DUXA: variants seen among roughly 807,000 people sequenced by gnomAD.
DUXA encodes double homeobox A, also known as double homeobox protein A.
DUXA carries 25 observed loss-of-function variants against 27.5 expected under a neutral mutation model. The observed-to-expected ratio is 0.91, with a 90% confidence interval of 0.66 to 1.27. DUXA has a LOEUF of 1.27. DUXA is among the 50% of genes most tolerant of loss of function. DUXA has a pLI of 0.00. For synonymous variants in DUXA, 90 were observed against 80.5 expected (o/e 1.12, Z -0.63); for missense variants, 247 against 242.9 (o/e 1.02, Z -0.11).
At position 57,160,774 on chromosome 19, in the gene DUXA, G is replaced by A. The variant is rs369191089; in HGVS notation, c.49C>T (p.Arg17Cys). ...TCTTCTGTGAATTTTGTGCGACAGC[G>A]CCTATGATTTGTTTTTACCATCTCT... is the stretch of plus-strand genomic sequence containing the variant. ...SHKMVKTNHR[R>C]CRTKFTEEQL... The change falls in exon 2 of 6, where the codon CGC becomes TGC. Residue 17 changes from arginine to cysteine, a missense_variant. Arg to Cys is a radical substitution (Grantham distance 180). Transcript: ENST00000554048. The A allele has an allele frequency of 4.4e-5, 71 of 1,613,916 alleles. No individual in the cohort carries two copies. The highest frequency in any genetic ancestry group is 2.5e-4 in the East Asian group (11 of 44,894).
intron 1 of DUXA, among the ~76,000 whole-genome samples, chr19:57,161,439 T>C (rs201896990): frequency 0.14 from 20,020 of 142,078 alleles, 1,781 homozygotes; most frequent in African/African-American, 0.22. Context: ...CTGGCTAACA[T>C]GATGAAACCC....
At position 57,158,879 on chromosome 19, in the gene DUXA, G is replaced by A. The variant is rs111255834; in HGVS notation, c.292+288C>T. Among the ~76,000 whole-genome samples the A allele has an allele frequency of 9.0e-3, 1,369 of 152,244 alleles. 13 individuals carry two copies. The highest frequency in any genetic ancestry group is 0.015 in the Non-Finnish European group (1,004 of 68,022). On this transcript the variant is annotated intron_variant, in intron 3 of 5. Transcript: ENST00000554048. ...GCACCTGTAAATCCCAGCTACTTGG[G>A]AGGCTGAGGCGGAAGAATTGCTTGA...
At position 57,154,468 on chromosome 19, in the gene DUXA, G is replaced by A; in HGVS notation, c.559C>T (p.Gln187Ter). The A allele has an allele frequency of 6.2e-7, 1 of 1,613,354 alleles. No individual in the cohort carries two copies. Among genetic ancestry groups the A allele is most frequent in the Non-Finnish European group, 8.5e-7 (1 of 1,179,504 alleles). The change falls in exon 6 of 6, where the codon CAA becomes TAA. Residue 187 changes from glutamine (Q) to a stop codon, truncating the protein, a stop_gained. Coordinates refer to ENST00000554048, the MANE Select transcript of DUXA (RefSeq NM_001012729.2). LOFTEE classifies it low-confidence loss of function (END_TRUNC). ...PEGLQGAEDT[Q>*]NGTNFTSDSH... ...TCACTAGTGAAGTTGGTGCCATTTT[G>A]TGTATCTTCTGCACCTAAGGAGGAA...
rs371673960 is a variant in DUXA at position 57,160,784 on chromosome 19, T to C, written c.39A>G (p.Thr13=). 7 of 1,614,114 alleles carry C rather than the reference T, an allele frequency of 4.3e-6. No individual in the cohort carries two copies. In the Admixed American group the frequency reaches 6.7e-5, roughly 15 times the overall value. Residue 13 remains threonine (T), a synonymous_variant, in exon 2 of 6, where the codon ACA becomes ACG. Coordinates refer to ENST00000554048, the MANE Select transcript of DUXA (RefSeq NM_001012729.2). ...ATTTTGTGCGACAGCGCCTATGATT[T>C]GTTTTTACCATCTCTGTAGGAAGAT... ...EDTYSHKMVK[T]NHRRCRTKFT... is the part of the protein sequence containing the mutation.
intron 5 of DUXA, 41 bp downstream of exon 5, chr19:57,155,226 G>T: frequency 6.4e-7 from 1 of 1,573,188 alleles, no homozygotes; most frequent in Non-Finnish European, 8.7e-7. Flanking sequence ...ACATCCAAGG[G>T]CTCCGCTTGT....
chr19:57,167,203 C>A (rs955580663), intron 1 of DUXA, among the ~76,000 whole-genome samples: 1 of 152,068 alleles, frequency 6.6e-6, no homozygotes, highest in Non-Finnish European at 1.5e-5. Context: ...TTATTTAGTT[C>A]TTGAATATCT....
At position 57,160,767 on chromosome 19, in the gene DUXA, C is replaced by G; in HGVS notation, c.56G>C (p.Arg19Pro). The stretch of plus-strand genomic sequence containing the variant: ...CAACTGTTCTTCTGTGAATTTTGTG[C>G]GACAGCGCCTATGATTTGTTTTTAC... ...KMVKTNHRRC[R>P]TKFTEEQLKI... is the part of the protein sequence containing the mutation. Residue 19 changes from arginine to proline, a missense_variant, in exon 2 of 6, where the codon CGC becomes CCC. Arg to Pro is a moderately radical substitution (Grantham distance 103). Coordinates refer to ENST00000554048, the MANE Select transcript of DUXA (RefSeq NM_001012729.2). The G allele has an allele frequency of 6.2e-7, 1 of 1,614,042 alleles. No homozygotes were observed. Among genetic ancestry groups the G allele is most frequent in the Non-Finnish European group, 8.5e-7 (1 of 1,180,004 alleles).
In DUXA at chr19:57,167,437, C is replaced by T. The variant is rs769801044; in HGVS notation, c.7G>A (p.Glu3Lys). 15 of 1,613,470 alleles carry T rather than the reference C, an allele frequency of 9.3e-6. No homozygotes were observed. In the African/African-American group the frequency reaches 9.3e-5, roughly 10 times the overall value. The change falls in exon 1 of 6, where the codon GAA (glutamate) becomes AAA (lysine). Residue 3 changes from glutamate (E) to lysine (K), a missense_variant. Physicochemically the swap from Glu to Lys is moderately conservative, Grantham distance 56 (BLOSUM62 1). Coordinates refer to ENST00000554048, the MANE Select transcript of DUXA (RefSeq NM_001012729.2). Reference sequence around the variant, plus strand: ...AACTTACTGTGTGAATAGGTGTCTTCGGCCATGCTGGAAGAGAGTCCTGAA... The same window carrying T: ...AACTTACTGTGTGAATAGGTGTCTTTGGCCATGCTGGAAGAGAGTCCTGAA... Reference protein sequence around the residue: MAEDTYSHKMVKT... With the variant: MAKDTYSHKMVKT...
intron 4 of DUXA, among the ~76,000 whole-genome samples, chr19:57,157,082 C>A (rs2086996381): frequency 6.6e-6 from 1 of 152,058 alleles, no homozygotes; most frequent in Non-Finnish European, 1.5e-5. Flanking sequence ...AGTAGATGCT[C>A]CGAATAATGC....
intron 1 of DUXA, among the ~76,000 whole-genome samples, chr19:57,165,110 C>T (rs1316908387): frequency 6.6e-6 from 1 of 151,898 alleles, no homozygotes; most frequent in Non-Finnish European, 1.5e-5. Context: ...ACTTTGAAAA[C>T]AAGTGCCCTA....
Position 57,160,750 on chromosome 19 carries a change from CT to C in DUXA, c.72del (p.Glu25AsnfsTer3). 1 of 1,613,946 alleles carries C rather than the reference CT, an allele frequency of 6.2e-7. No homozygotes were observed. Among genetic ancestry groups the C allele is most frequent in the Non-Finnish European group, 8.5e-7 (1 of 1,179,846 alleles). On this transcript the variant is annotated frameshift_variant, in exon 2 of 6. Transcript: ENST00000554048. LOFTEE classifies it high-confidence loss of function. The part of the protein sequence containing the change: ...NHRRCRTKFT[E>X]EQLKILINTF... ...GTATTGATGAGGATTTTCAACTGTT[CT>C]TCTGTGAATTTTGTGCGACAGCGCC...
At chr19:57,161,648 T>C (rs2087024630) in intron 1 of DUXA, among the ~76,000 whole-genome samples, 1 of 150,912 alleles carries the variant, frequency 6.6e-6, no homozygotes, top group South Asian at 2.1e-4. Context: ...TGAAGTAAAA[T>C]AAAAAATAAA....
At chr19:57,161,609 C>T (rs1336252796) in intron 1 of DUXA, among the ~76,000 whole-genome samples, 55 of 146,940 alleles carry the variant, frequency 3.7e-4, no homozygotes, top group African/African-American at 1.2e-3. Context: ...GGTGACAGAG[C>T]GAGACTCCGT....
chr19:57,162,578 G>GT (rs1219962599), intron 1 of DUXA, among the ~76,000 whole-genome samples: 3 of 145,088 alleles, frequency 2.1e-5, no homozygotes, highest in Non-Finnish European at 4.8e-5. Flanking sequence ...TTTGTTTTTT[G>GT]TTTTTTGTTT....
At position 57,154,496 on chromosome 19, in the gene DUXA, A is replaced by G; in HGVS notation, c.545-14T>C. 6.2e-7 allele frequency: 1 copy of G among 1,601,880 alleles called. No homozygotes were observed. Among genetic ancestry groups the G allele is most frequent in the Non-Finnish European group, 8.6e-7 (1 of 1,168,976 alleles). On this transcript the variant is annotated splice_polypyrimidine_tract_variant and intron_variant, in intron 5 of 5. Coordinates refer to ENST00000554048, the MANE Select transcript of DUXA (RefSeq NM_001012729.2). ...TATCTTCTGCACCTAAGGAGGAAAA[A>G]AGATAGAGGAAAGAATGTAAGAGAT...
rs1041121774 is a variant in DUXA, at chr19:57,160,754, T to G, written c.69A>C (p.Thr23=). The change falls in exon 2 of 6, where the codon ACA becomes ACC. Residue 23 remains threonine (T), a synonymous_variant. Transcript: ENST00000554048. ...TGATGAGGATTTTCAACTGTTCTTC[T>G]GTGAATTTTGTGCGACAGCGCCTAT... The part of the protein sequence containing the change: ...TNHRRCRTKF[T]EEQLKILINT... The G allele has an allele frequency of 2.5e-6, 4 of 1,614,108 alleles. No individual in the cohort carries two copies. Among genetic ancestry groups the G allele is most frequent in the African/African-American group, 1.3e-5 (1 of 74,946 alleles).
intron 4 of DUXA, among the ~76,000 whole-genome samples, chr19:57,157,769 T>A (rs1465405890): frequency 1.3e-5 from 2 of 151,844 alleles, no homozygotes; most frequent in Non-Finnish European, 2.9e-5. Flanking sequence ...GGAGGGTGGA[T>A]CACCTGAGGC....
intron 1 of DUXA, among the ~76,000 whole-genome samples, chr19:57,161,587 C>T (rs1031241306): frequency 3.3e-5 from 5 of 150,648 alleles, no homozygotes; most frequent in Non-Finnish European, 5.9e-5. Context: ...TGCGCCACTG[C>T]ACTCCAGCCT....
chr19:57,157,418 A>C (rs1599930224), intron 4 of DUXA, among the ~76,000 whole-genome samples: 1 of 151,650 alleles, frequency 6.6e-6, no homozygotes, highest in East Asian at 2.0e-4. Flanking sequence ...TGCAACCTCC[A>C]CCTCCCAGAT....
Sources: allele counts gnomAD v4.1 joint callset (sites outside exome capture counted in the v4.1 genomes callset), GRCh38; gene constraint gnomAD v4.1.1; transcripts MANE v1.5; gene names NCBI Gene and HGNC (gene_info 2026-07-23, HGNC 2026-07-21).